The following DLC1 variants were observed in gnomAD, a reference collection of about 807,000 sequenced individuals.
The protein encoded by DLC1 is DLC1 Rho GTPase activating protein.
In DLC1, 54 loss-of-function variants were observed where a neutral mutation model predicts 140.3. The ratio of observed to expected loss-of-function variants is 0.38; its 90% CI spans 0.31 to 0.48. The LOEUF is 0.48. DLC1 is among the 20% of genes least tolerant of loss of function. The pLI, the probability that DLC1 is intolerant of heterozygous loss-of-function variation, is 0.96. For synonymous variants in DLC1, 986 were observed against 728.1 expected (o/e 1.35, Z -5.70); for missense variants, 2,536 against 1,907.0 (o/e 1.33, Z -6.14).
chr8:13,186,757 T>C (rs1826393682), intron 5 of DLC1, among the ~76,000 whole-genome samples: 1 of 152,250 alleles, frequency 6.6e-6, no homozygotes, highest in African/African-American at 2.4e-5. Flanking sequence ...TTTCAGCTTT[T>C]CTGCTCTGGT....
chr8:13,565,479 A>T (rs1804394012), intron 1 of DLC1, among the ~76,000 whole-genome samples: 1 of 152,252 alleles, frequency 6.6e-6, no homozygotes, highest in African/African-American at 2.4e-5. Context: ...CACAAATTAC[A>T]TGCCACCTCT....
intron 1 of DLC1, among the ~76,000 whole-genome samples, chr8:13,539,890 TA>T (rs201352542): frequency 0.011 from 1,652 of 152,224 alleles, 15 homozygotes; most frequent in Non-Finnish European, 0.015. Context: ...CTGATTCAAT[TA>T]TTTTACTTTT....
At chr8:13,388,167 C>T (rs1389733437) in intron 4 of DLC1, among the ~76,000 whole-genome samples, 2 of 151,998 alleles carry the variant, frequency 1.3e-5, no homozygotes, top group African/African-American at 4.8e-5. Flanking sequence ...TAATGTCGTA[C>T]TCCCAATCAG....
At chr8:13,139,997 A>G (rs1822854563) in intron 5 of DLC1, among the ~76,000 whole-genome samples, 1 of 152,170 alleles carries the variant, frequency 6.6e-6, no homozygotes, top group African/African-American at 2.4e-5. Flanking sequence ...GATCACCGTT[A>G]TCCATCTCCA....
intron 2 of DLC1, among the ~76,000 whole-genome samples, chr8:13,432,713 T>C (rs1480881230): frequency 1.3e-5 from 2 of 152,180 alleles, no homozygotes; most frequent in Non-Finnish European, 2.9e-5. Flanking sequence ...TTTTGGCAAC[T>C]AGGAGATGAC....
intron 5 of DLC1, among the ~76,000 whole-genome samples, chr8:13,185,242 G>A (rs1336275788): frequency 2.0e-5 from 3 of 148,830 alleles, no homozygotes; most frequent in African/African-American, 7.4e-5. Flanking sequence ...ACACTGATGG[G>A]TCTTGACTCT....
chr8:13,445,865 G>A (rs1293431907), intron 2 of DLC1, among the ~76,000 whole-genome samples: 1 of 152,046 alleles, frequency 6.6e-6, no homozygotes, highest in Non-Finnish European at 1.5e-5. Context: ...ATGTGCTATT[G>A]AGAGATACAA....
intron 1 of DLC1, among the ~76,000 whole-genome samples, chr8:13,580,121 A>ATTTTTTTAT (rs71207167): frequency 5.3e-5 from 8 of 150,472 alleles, no homozygotes; most frequent in East Asian, 3.9e-4. Flanking sequence ...AGTTGGTTAC[A>ATTTTTTTAT]TTTATTTTTT....
intron 16 of DLC1, among the ~76,000 whole-genome samples, chr8:13,087,274 T>C (rs186283759): frequency 8.5e-5 from 13 of 152,302 alleles, no homozygotes; most frequent in Middle Eastern, 3.4e-3. Context: ...TGATGGCACA[T>C]GCCTGCAGTC....
chr8:13,591,166 A>G (rs1467897250), intron 1 of DLC1, among the ~76,000 whole-genome samples: 1 of 152,118 alleles, frequency 6.6e-6, no homozygotes, highest in Admixed American at 6.6e-5. Flanking sequence ...GATATTAAAA[A>G]TAGAATGGAA....
rs181501991 is a variant in DLC1 at position 13,539,501 on chromosome 8, G to A, written c.-125-39305C>T. On this transcript the variant is annotated intron_variant, in intron 1 of 1. Coordinates refer to the DLC1 transcript ENST00000631382. ...AGGCGTGAGCCACTGCACCCGCCGC[G>A]AATAGTATTTTGGTGAAAGCTTAGA... 3.3e-5 allele frequency among the ~76,000 whole-genome samples: 5 copies of A among 152,204 alleles called. No individual in the cohort carries two copies. In the East Asian group the frequency reaches 5.8e-4, roughly 18 times the overall value.
intron 5 of DLC1, among the ~76,000 whole-genome samples, chr8:13,240,286 G>C (rs1213125144): frequency 6.6e-6 from 1 of 152,198 alleles, no homozygotes; most frequent in Non-Finnish European, 1.5e-5. Flanking sequence ...CAAAGGTGAA[G>C]AAAGGGCTGG....
chr8:13,165,093 C>G (rs185152881), intron 5 of DLC1, among the ~76,000 whole-genome samples: 2 of 152,284 alleles, frequency 1.3e-5, no homozygotes, highest in Admixed American at 1.3e-4. Flanking sequence ...AGATAAAATG[C>G]ATGCTACCTA....
At chr8:13,530,620 A>T (rs576861614) in intron 1 of DLC1, among the ~76,000 whole-genome samples, 100 of 152,280 alleles carry the variant, frequency 6.6e-4, no homozygotes, top group Admixed American at 1.3e-3. Flanking sequence ...CTCTGGGTGT[A>T]ACCTAACAGA....
chr8:13,256,204 G>C (rs1003287415), intron 5 of DLC1, among the ~76,000 whole-genome samples: 1 of 152,168 alleles, frequency 6.6e-6, no homozygotes, highest in African/African-American at 2.4e-5. Context: ...AGGTTGATAA[G>C]TTATTAAATG....
intron 5 of DLC1, among the ~76,000 whole-genome samples, chr8:13,255,038 G>T (rs530186036): frequency 6.6e-6 from 1 of 151,608 alleles, no homozygotes; most frequent in Non-Finnish European, 1.5e-5. Context: ...GTGCAGTGGC[G>T]CAATCTCGGC....
At chr8:13,385,266 TAACAAC>T (rs980688030) in intron 4 of DLC1, among the ~76,000 whole-genome samples, 9 of 152,142 alleles carry the variant, frequency 5.9e-5, no homozygotes, top group Non-Finnish European at 7.4e-5. Context: ...ACAACAACAG[TAACAAC>T]AACAACAACA....
At chr8:13,522,881 G>C (rs1802806033) in intron 1 of DLC1, among the ~76,000 whole-genome samples, 1 of 152,030 alleles carries the variant, frequency 6.6e-6, no homozygotes, top group Non-Finnish European at 1.5e-5. Flanking sequence ...TAGATATCTT[G>C]GGTCACAGAG....
At chr8:13,280,770 G>A (rs2117422840) in intron 5 of DLC1, among the ~76,000 whole-genome samples, 1 of 152,290 alleles carries the variant, frequency 6.6e-6, no homozygotes, top group South Asian at 2.1e-4. Flanking sequence ...ACTACCTAAA[G>A]TGCTGGAAGA....
Sources: allele counts gnomAD v4.1 joint callset (sites outside exome capture counted in the v4.1 genomes callset), GRCh38; gene constraint gnomAD v4.1.1; transcripts MANE v1.5; gene names NCBI Gene and HGNC (gene_info 2026-07-23, HGNC 2026-07-21).